CUL2: variants seen among roughly 807,000 people sequenced by gnomAD.
The protein encoded by CUL2 is cullin 2, also known as cullin-2.
Under a neutral mutation model 110.2 loss-of-function variants are expected in CUL2, and 22 were observed. That is an observed-to-expected ratio of 0.20 (90% CI 0.14 to 0.28). The LOEUF (loss-of-function observed/expected upper bound fraction) is 0.28, where lower values mean the gene tolerates loss of function less well. Ranked by LOEUF, CUL2 falls within the 10% of genes least tolerant of loss-of-function variation. CUL2 has a pLI of 1.00. For missense variants in CUL2, 631 were observed against 905.5 expected (o/e 0.70, Z 3.89); for synonymous variants, 279 against 293.2 (o/e 0.95, Z 0.49).
At chr10:35,075,635 A>AACACACACACACACACACAC in intron 1 of CUL2, among the ~76,000 whole-genome samples, 1 of 140,894 alleles carries the variant, frequency 7.1e-6, no homozygotes, top group Non-Finnish European at 1.5e-5. Flanking sequence ...TGGGCCCTAA[A>AACACACACACACACACACAC]ACACACACAC....
intron 1 of CUL2, among the ~76,000 whole-genome samples, chr10:35,084,080 C>T (rs1212682823): frequency 6.6e-6 from 1 of 152,072 alleles, no homozygotes; most frequent in Non-Finnish European, 1.5e-5. Context: ...AGTTCAAGAC[C>T]AGCCTGGTCA....
chr10:35,073,897 C>A (rs920951042), intron 1 of CUL2, among the ~76,000 whole-genome samples: 5 of 152,152 alleles, frequency 3.3e-5, no homozygotes, highest in Admixed American at 2.6e-4. Context: ...TGGGCCACTG[C>A]GCCTGACCTG....
chr10:35,039,124 CT>C (rs747047947), intron 8 of CUL2, 42 bp from the exon 9 acceptor site: 2 of 1,326,824 alleles, frequency 1.5e-6, no homozygotes, highest in Non-Finnish European at 2.0e-6. Flanking sequence ...CAAAGTTTTA[CT>C]ATGAGGAAAA....
chr10:35,071,296 C>T lies in CUL2; in HGVS notation c.22G>A (p.Val8Ile). The change falls in exon 2 of 21, where the codon GTA (valine) becomes ATA (isoleucine). Residue 8 changes from valine (V) to isoleucine (I), a missense_variant. Around this residue, in one of 3 missense-constraint regions of CUL2, gnomAD observed 338 missense variants for 442.5 expected, o/e 0.76. Transcript: ENST00000374749. MSLKPRV[V>I]DFDETWNKLL... is the part of the protein sequence containing the mutation. ...TTGTTCCATGTTTCATCAAAATCTA[C>T]TACTCTTGGTTTCAAAGACATTGTG... 6.2e-7 allele frequency: 1 copy of T among 1,613,524 alleles called. No homozygotes were observed. Among genetic ancestry groups the T allele is most frequent in the Non-Finnish European group, 8.5e-7 (1 of 1,179,426 alleles).
At chr10:35,014,847 A>G (rs1018955944) in intron 18 of CUL2, among the ~76,000 whole-genome samples, 2 of 152,190 alleles carry the variant, frequency 1.3e-5, no homozygotes, top group Non-Finnish European at 2.9e-5. Context: ...ATAAATAAAC[A>G]TAAAATAAAA....
Position 35,063,075 on chromosome 10 carries a change from T to C in CUL2, c.120-13A>G. On this transcript the variant is annotated splice_polypyrimidine_tract_variant and intron_variant, in intron 2 of 20. Coordinates refer to ENST00000374749, the MANE Select transcript of CUL2 (RefSeq NM_003591.4). The stretch of plus-strand genomic sequence containing the variant: ...AGCATAGATATCTCTAGTTAAATTA[T>C]TAAGGTTTTCATATTTATTGGAGAC... 7.2e-7 allele frequency: 1 copy of C among 1,388,170 alleles called. No homozygotes were observed. Among genetic ancestry groups the C allele is most frequent in the Non-Finnish European group, 1.0e-6 (1 of 989,124 alleles). The allele number at this position is 1,388,170 out of a possible 1,614,324, so 86.0% of individuals were successfully genotyped here.
At chr10:35,095,871 T>C (rs576124696) in intron 2 of CUL2, among the ~76,000 whole-genome samples, 1 of 152,284 alleles carries the variant, frequency 6.6e-6, no homozygotes, top group African/African-American at 2.4e-5. Flanking sequence ...AGTTATGTCA[T>C]GTATTAAACA....
intron 2 of CUL2, among the ~76,000 whole-genome samples, chr10:35,065,954 G>C (rs947180223): frequency 2.6e-5 from 4 of 152,168 alleles, no homozygotes; most frequent in African/African-American, 9.7e-5. Flanking sequence ...TAGGGAGCCA[G>C]AATACAAAAA....
Position 35,077,434 on chromosome 10 carries a change from T to C in CUL2, c.-22-6095A>G, listed in dbSNP as rs565634074. Among the ~76,000 whole-genome samples the C allele has an allele frequency of 1.1e-4, 15 of 137,992 alleles. No individual in the cohort carries two copies. The South Asian group carries it at 2.3e-3, about 21-fold the overall frequency. The allele number at this position is 137,992 out of a possible 152,430, so 90.5% of individuals were successfully genotyped here. ...ATCGCTTGAACCTGAGAGGTGGAGG[T>C]TGTGGTGAGCCAAGATCATGCCACT... is the stretch of plus-strand genomic sequence containing the variant. On this transcript the variant is annotated intron_variant, in intron 1 of 20. Transcript: ENST00000374749.
At chr10:35,070,728 G>A (rs1396434151) in intron 2 of CUL2, among the ~76,000 whole-genome samples, 5 of 152,086 alleles carry the variant, frequency 3.3e-5, no homozygotes, top group Non-Finnish European at 4.4e-5. Flanking sequence ...TTGCTCCCTC[G>A]CTGCATTCCA....
chr10:35,031,445 T>C lies in CUL2; in HGVS notation c.1299+46A>G. On this transcript the variant is annotated intron_variant, in intron 13 of 20. Coordinates refer to ENST00000374749, the MANE Select transcript of CUL2 (RefSeq NM_003591.4). This position sits in a 1 kb window ranked among gnomAD's most constrained non-coding sequence, Gnocchi z 4.4. ...TTTCTAATGATTTAGCATTCAGAAA[T>C]AAAGTTGACCAAAATACAAATGAAA... 1.9e-6 allele frequency: 3 copies of C among 1,601,062 alleles called. No homozygotes were observed. Among genetic ancestry groups the C allele is most frequent in the Non-Finnish European group, 2.6e-6 (3 of 1,172,212 alleles).
rs2085472678 is a variant in CUL2, at chr10:35,031,224, A to G, written c.1386+76T>C. 1 of 904,400 alleles carries G rather than the reference A, an allele frequency of 1.1e-6. No individual in the cohort carries two copies. Among genetic ancestry groups the G allele is most frequent in the Non-Finnish European group, 1.7e-6 (1 of 581,352 alleles). The allele number at this position is 904,400 out of a possible 1,614,324, so 56.0% of individuals were successfully genotyped here. A position where few individuals can be genotyped will look rare whatever the true frequency, so the allele number is the denominator to read the frequency against. ...GATGAATTGTTTCCTGTTACTGTACACAATGCTGCAATGAACATCTTTATG... is the reference window on the plus strand; with the variant it reads ...GATGAATTGTTTCCTGTTACTGTACGCAATGCTGCAATGAACATCTTTATG... On this transcript the variant is annotated intron_variant, in intron 14 of 20. Transcript: ENST00000374749. This position sits in a 1 kb window ranked among gnomAD's most constrained non-coding sequence, Gnocchi z 4.4.
At chr10:35,124,512 C>T (rs1285523445) in intron 1 of CUL2, among the ~76,000 whole-genome samples, 1 of 151,910 alleles carries the variant, frequency 6.6e-6, no homozygotes, top group Non-Finnish European at 1.5e-5. Context: ...GTGAATACAA[C>T]CCCTGCCTTG....
At chr10:35,016,725 G>A (rs2085042833) in intron 17 of CUL2, among the ~76,000 whole-genome samples, 1 of 151,996 alleles carries the variant, frequency 6.6e-6, no homozygotes, top group Admixed American at 6.6e-5. Flanking sequence ...TCAGGAGCTC[G>A]AGACCAGCCT....
rs575711208 is a variant in CUL2 at position 35,009,326 on chromosome 10, T to C, written c.*985A>G. 3 of 151,898 alleles carry C rather than the reference T, an allele frequency of 2.0e-5. No homozygotes were observed. In the South Asian group the frequency reaches 6.2e-4, roughly 32 times the overall value. The allele number at this position is 151,898 out of a possible 1,614,324, so 9.4% of individuals were successfully genotyped here. ...TATGCATTGCTAAGCACATCTGTGA[T>C]TGATGAGAGTGACTCTAGTATCTAA... is the stretch of plus-strand genomic sequence containing the variant. On this transcript the variant is annotated 3_prime_UTR_variant, in exon 21 of 21. Transcript: ENST00000374749.
chr10:35,028,014 A>G (rs1354185208), intron 16 of CUL2, among the ~76,000 whole-genome samples: 2 of 152,216 alleles, frequency 1.3e-5, no homozygotes, highest in African/African-American at 4.8e-5. Flanking sequence ...CTTAATTTCA[A>G]TCAGGGACAC....
At chr10:35,023,278 T>C (rs1167689152) in intron 17 of CUL2, among the ~76,000 whole-genome samples, 1 of 152,174 alleles carries the variant, frequency 6.6e-6, no homozygotes. Context: ...TAACTCCTGG[T>C]TTCACTGATA....
intron 17 of CUL2, among the ~76,000 whole-genome samples, chr10:35,020,462 G>T (rs374532708): frequency 6.6e-6 from 1 of 152,164 alleles, no homozygotes; most frequent in East Asian, 1.9e-4. Flanking sequence ...CAATAGAATC[G>T]TTATCTTTTA....
chr10:35,035,416 T>G, intron 9 of CUL2, 120 bp from the exon 10 acceptor site: 1 of 1,070,750 alleles, frequency 9.3e-7, no homozygotes, highest in Non-Finnish European at 1.3e-6. Flanking sequence ...CAGAGAAAAG[T>G]CCCCCATGCC....
Sources: allele counts gnomAD v4.1 joint callset (sites outside exome capture counted in the v4.1 genomes callset), GRCh38; gene constraint gnomAD v4.1.1; regional missense constraint gnomAD v4.1.1; non-coding constraint Gnocchi (gnomAD v3.1); transcripts MANE v1.5; gene names NCBI Gene and HGNC (gene_info 2026-07-23, HGNC 2026-07-21).